QSOX1: variants seen among roughly 807,000 people sequenced by gnomAD.
QSOX1 encodes quiescin sulfhydryl oxidase 1, also known as sulfhydryl oxidase 1.
QSOX1 carries 40 observed loss-of-function variants against 76.1 expected under a neutral mutation model. The observed-to-expected ratio is 0.53, with a 90% CI of 0.41 to 0.68. QSOX1 has a LOEUF of 0.68. QSOX1 is among the 30% of genes least tolerant of loss of function. The pLI is 0.00. For missense variants in QSOX1, 931 were observed against 974.3 expected, an observed-to-expected ratio of 0.96 and a Z score of 0.59; for synonymous variants, 392 against 413.1, an observed-to-expected ratio of 0.95 and a Z score of 0.62.
intron 2 of QSOX1, among the ~76,000 whole-genome samples, chr1:180,167,786 T>C (rs1662667463): frequency 6.6e-6 from 1 of 152,238 alleles, no homozygotes; most frequent in Non-Finnish European, 1.5e-5. Context: ...AGAGTCTGCA[T>C]GTCAATCATC....
intron 5 of QSOX1, among the ~76,000 whole-genome samples, chr1:180,181,281 G>C (rs899925410): frequency 6.6e-6 from 1 of 152,214 alleles, no homozygotes; most frequent in African/African-American, 2.4e-5. Context: ...CCATGGTGAA[G>C]AGTGAGACGT....
rs745635881 is a variant in QSOX1, at chr1:180,198,180, G to A, written c.*1143G>A. The A allele has an allele frequency of 4.4e-6, 2 of 456,578 alleles. No homozygotes were observed. Among genetic ancestry groups the A allele is most frequent in the South Asian group, 3.1e-5 (2 of 64,574 alleles). The allele number at this position is 456,578 out of a possible 1,614,324, so 28.3% of individuals were successfully genotyped here. On this transcript the variant is annotated 3_prime_UTR_variant, in exon 12 of 12. Transcript: ENST00000367602. ...CTGGCCACAGACTGCCCATAGAACTGTCTGCACCCAAACCCCATGGCCTTT... is the reference window on the plus strand; with the variant it reads ...CTGGCCACAGACTGCCCATAGAACTATCTGCACCCAAACCCCATGGCCTTT...
chr1:180,155,842 C>G (rs561488134), intron 1 of QSOX1, among the ~76,000 whole-genome samples: 7 of 152,132 alleles, frequency 4.6e-5, no homozygotes, highest in Non-Finnish European at 8.8e-5. Context: ...CCGCTCAGAC[C>G]CTTATATTTT....
At position 180,196,372 on chromosome 1, in the gene QSOX1, AC is replaced by A; in HGVS notation, c.1582del (p.Leu528SerfsTer58). 1 of 1,614,052 alleles carries A rather than the reference AC, an allele frequency of 6.2e-7. No homozygotes were observed. The highest frequency in any genetic ancestry group is 1.1e-5 in the South Asian group (1 of 91,080). Reference protein sequence around the residue: ...LDVPVWDVEATLNFLKAHFSP... With the variant: ...LDVPVWDVEAXLNFLKAHFSP... ...TGTGCCCGTGTGGGACGTGGAAGCCACCCTCAACTTCCTCAAGGCCCACTTC... is the reference window on the plus strand; with the variant it reads ...TGTGCCCGTGTGGGACGTGGAAGCCACCTCAACTTCCTCAAGGCCCACTTC... On this transcript the variant is annotated frameshift_variant, in exon 12 of 12. Coordinates refer to ENST00000367602, the MANE Select transcript of QSOX1 (RefSeq NM_002826.5). LOFTEE classifies it high-confidence loss of function. The surrounding 1 kb of genome is among the most constrained non-coding windows in gnomAD (Gnocchi z 4.1).
intron 1 of QSOX1, among the ~76,000 whole-genome samples, chr1:180,158,744 G>T (rs1476883769): frequency 6.6e-6 from 1 of 152,162 alleles, no homozygotes; most frequent in Non-Finnish European, 1.5e-5. Context: ...GGTCTGACTG[G>T]CTCTTGGTGG....
At position 180,178,746 on chromosome 1, in the gene QSOX1, T is replaced by A. The variant is rs191873782; in HGVS notation, c.516-48T>A. On this transcript the variant is annotated intron_variant, in intron 4 of 11. Transcript: ENST00000367602. ...GTCTGGCGTTGCCAGCGGTTTTGTC[T>A]TATTTCTGCTGGCTGTGCAGAGTGA... 3 of 1,566,846 alleles carry A rather than the reference T, an allele frequency of 1.9e-6. No individual in the cohort carries two copies. In the African/African-American group the frequency reaches 4.1e-5, roughly 21 times the overall value.
rs192565250 is a variant in QSOX1, at chr1:180,183,832, C to G, written c.753-84C>G. 1,585 of 1,416,622 alleles carry G rather than the reference C, an allele frequency of 1.1e-3. 6 individuals are homozygous for G. Among genetic ancestry groups the G allele is most frequent in the South Asian group, 4.2e-3 (318 of 75,744 alleles). The allele number at this position is 1,416,622 out of a possible 1,614,324, so 87.8% of individuals were successfully genotyped here. A position where few individuals can be genotyped will look rare whatever the true frequency, so the allele number is the denominator to read the frequency against. ...TAAACCTTCCTGTCCGATGAGCCACCCTTCTTCCTCTTCTGACATTGGTTA... is the reference window on the plus strand; with the variant it reads ...TAAACCTTCCTGTCCGATGAGCCACGCTTCTTCCTCTTCTGACATTGGTTA... On this transcript the variant is annotated intron_variant, in intron 6 of 11. Transcript: ENST00000367602.
Position 180,154,877 on chromosome 1 carries a change from C to G in QSOX1, c.-31C>G. On this transcript the variant is annotated 5_prime_UTR_variant, in exon 1 of 12. Coordinates refer to ENST00000367602, the MANE Select transcript of QSOX1 (RefSeq NM_002826.5). ...GCGCCGGGACCCGACTCATCCGGTG[C>G]TTGCGTGTGGTGGTGAGCGCAGCGC... is the stretch of plus-strand genomic sequence containing the variant. 1 of 1,371,892 alleles carries G rather than the reference C, an allele frequency of 7.3e-7. No individual in the cohort carries two copies. 85.0% of individuals were successfully genotyped at this position (1,371,892 alleles called of 1,614,324 possible).
Position 180,175,960 on chromosome 1 carries a change from G to A in QSOX1, c.442G>A (p.Glu148Lys). Residue 148 changes from glutamate to lysine, a missense_variant, in exon 4 of 12, where the codon GAG (glutamate) becomes AAG (lysine). By Grantham distance (56) the Glu-to-Lys change is moderately conservative. Coordinates refer to ENST00000367602, the MANE Select transcript of QSOX1 (RefSeq NM_002826.5). ...VAGADVQTLR[E>K]RLIDALESHH... The stretch of plus-strand genomic sequence containing the variant: ...TGGTGCTGACGTGCAGACACTGCGG[G>A]AGAGGCTCATTGACGCCCTGGAGTC... 2 of 1,600,276 alleles carry A rather than the reference G, an allele frequency of 1.2e-6. No individual in the cohort carries two copies. Among genetic ancestry groups the A allele is most frequent in the Non-Finnish European group, 1.7e-6 (2 of 1,174,276 alleles).
At chr1:180,183,783 A>G (rs1663099038) in intron 6 of QSOX1, 133 bp from the exon 7 acceptor site, 1 of 1,065,760 alleles carries the variant, frequency 9.4e-7, no homozygotes, top group Non-Finnish European at 1.4e-6. Context: ...AGAGGACAAG[A>G]TGGAATCTCG....
Position 180,197,477 on chromosome 1 carries a change from G to C in QSOX1, c.*440G>C. 2 of 1,326,186 alleles carry C rather than the reference G, an allele frequency of 1.5e-6. No homozygotes were observed. Among genetic ancestry groups the C allele is most frequent in the Non-Finnish European group, 2.1e-6 (2 of 938,866 alleles). The allele number at this position is 1,326,186 out of a possible 1,614,324, so 82.2% of individuals were successfully genotyped here. On this transcript the variant is annotated 3_prime_UTR_variant, in exon 12 of 12. Transcript: ENST00000367602. Reference sequence around the variant, plus strand: ...ACTCCTCACTAGCTGCTGGGGCTCCGCCCACCCTGCTCCCTTCCGGACAAT... The same window carrying C: ...ACTCCTCACTAGCTGCTGGGGCTCCCCCCACCCTGCTCCCTTCCGGACAAT...
Position 180,197,737 on chromosome 1 carries a change from T to G in QSOX1, c.*700T>G, listed in dbSNP as rs1663536901. 1.4e-5 allele frequency: 4 copies of G among 290,392 alleles called. No individual in the cohort carries two copies. Among genetic ancestry groups the G allele is most frequent in the South Asian group, 1.2e-4 (3 of 24,640 alleles). 18.0% of individuals were successfully genotyped at this position (290,392 alleles called of 1,614,324 possible). On this transcript the variant is annotated 3_prime_UTR_variant, in exon 12 of 12. Coordinates refer to ENST00000367602, the MANE Select transcript of QSOX1 (RefSeq NM_002826.5). The stretch of plus-strand genomic sequence containing the variant: ...GCATGGGAAGGATGTGGGTCTCTAG[T>G]GCCTTGCCCTGGCTTAGCTGCAGGA...
chr1:180,197,557 C>T lies in QSOX1; in HGVS notation c.*520C>T. 1.5e-6 allele frequency: 1 copy of T among 648,216 alleles called. No individual in the cohort carries two copies. The highest frequency in any genetic ancestry group is 2.6e-6 in the Non-Finnish European group (1 of 384,390). 40.2% of individuals were successfully genotyped at this position (648,216 alleles called of 1,614,324 possible). On this transcript the variant is annotated 3_prime_UTR_variant, in exon 12 of 12. Transcript: ENST00000367602. ...ACCACCCCGGGCCCTCTATGCCTGG[C>T]CAGCCTCCAGCTCCTCAGACCTCCT...
At chr1:180,189,976 G>A (rs1222665036) in intron 9 of QSOX1, among the ~76,000 whole-genome samples, 1 of 152,226 alleles carries the variant, frequency 6.6e-6, no homozygotes, top group Non-Finnish European at 1.5e-5. Flanking sequence ...TTTGGGCTGG[G>A]ATGAAAACTT....
At chr1:180,164,800 T>C (rs1662574007) in intron 1 of QSOX1, among the ~76,000 whole-genome samples, 1 of 152,142 alleles carries the variant, frequency 6.6e-6, no homozygotes, top group African/African-American at 2.4e-5. Flanking sequence ...GCTAGGTAAT[T>C]TATAAAGAAA....
intron 2 of QSOX1, among the ~76,000 whole-genome samples, chr1:180,171,873 G>A (rs1356744309): frequency 6.6e-6 from 1 of 152,198 alleles, no homozygotes; most frequent in Non-Finnish European, 1.5e-5. Flanking sequence ...ACAAAATGTG[G>A]CACGAAAGTT....
chr1:180,193,845 G>C (rs1466713527), intron 10 of QSOX1, among the ~76,000 whole-genome samples: 1 of 152,140 alleles, frequency 6.6e-6, no homozygotes, highest in Non-Finnish European at 1.5e-5. Flanking sequence ...GGGAGGAAGG[G>C]CCAGGGGCTA....
rs1663406853 is a variant in QSOX1, at chr1:180,194,395, A to G, written c.1468+3A>G. The G allele has an allele frequency of 3.3e-6, 5 of 1,537,018 alleles. No individual in the cohort carries two copies. The highest frequency in any genetic ancestry group is 4.4e-6 in the Non-Finnish European group (5 of 1,133,948). ...CAGGGTCAATGCTCGCCTTGCAGGTAAGGAAGGACCATCCCCAAGGCTGGA... is the reference window on the plus strand; with the variant it reads ...CAGGGTCAATGCTCGCCTTGCAGGTGAGGAAGGACCATCCCCAAGGCTGGA... On this transcript the variant is annotated splice_donor_region_variant and intron_variant, in intron 11 of 11. Transcript: ENST00000367602.
Position 180,154,880 on chromosome 1 carries a change from G to GC in QSOX1, c.-27dup. On this transcript the variant is annotated 5_prime_UTR_variant, in exon 1 of 12. Transcript: ENST00000367602. Reference sequence around the variant, plus strand: ...CCGGGACCCGACTCATCCGGTGCTTGCGTGTGGTGGTGAGCGCAGCGCCGA... The same window carrying GC: ...CCGGGACCCGACTCATCCGGTGCTTGCCGTGTGGTGGTGAGCGCAGCGCCGA... The GC allele has an allele frequency of 7.3e-7, 1 of 1,377,434 alleles. No individual in the cohort carries two copies. Among genetic ancestry groups the GC allele is most frequent in the Non-Finnish European group, 9.3e-7 (1 of 1,072,096 alleles). 85.3% of individuals were successfully genotyped at this position (1,377,434 alleles called of 1,614,324 possible).
Sources: allele counts gnomAD v4.1 joint callset (sites outside exome capture counted in the v4.1 genomes callset), GRCh38; gene constraint gnomAD v4.1.1; non-coding constraint Gnocchi (gnomAD v3.1); transcripts MANE v1.5; gene names NCBI Gene and HGNC (gene_info 2026-07-23, HGNC 2026-07-21).